The following ALS2CL variants were observed in gnomAD, a reference collection of about 807,000 sequenced individuals.
The protein encoded by ALS2CL is ALS2 C-terminal like.
ALS2CL carries 112 observed loss-of-function variants against 127.9 expected under a neutral mutation model. The ratio of observed to expected loss-of-function variants is 0.88; its 90% CI spans 0.75 to 1.02. The LOEUF (loss-of-function observed/expected upper bound fraction) is 1.02. Ranked by LOEUF, ALS2CL falls within the 50% of genes least tolerant of loss-of-function variation. ALS2CL has a pLI of 0.00. For synonymous variants in ALS2CL, 519 were observed against 527.6 expected (o/e 0.98, Z 0.22); for missense variants, 1,174 against 1,236.7 (o/e 0.95, Z 0.76).
chr3:46,683,938 A>G (rs564336330), intron 8 of ALS2CL, 51 bp downstream of exon 8: 1 of 1,613,162 alleles, frequency 6.2e-7, no homozygotes, highest in South Asian at 1.1e-5. Context: ...GGCAGGTGTC[A>G]TGGGGGTAAA....
chr3:46,677,264 T>C, intron 16 of ALS2CL: 1 of 1,357,256 alleles, frequency 7.4e-7, no homozygotes, highest in Non-Finnish European at 9.5e-7. Context: ...GCATATGGAA[T>C]CCTGGAAAGA....
rs374775715 is a variant in ALS2CL at position 46,692,197 on chromosome 3, C to G, written c.-26+1446G>C. 2.7e-4 allele frequency among the ~76,000 whole-genome samples: 41 copies of G among 152,272 alleles called. No homozygotes were observed. The East Asian group carries it at 4.8e-3, about 18-fold the overall frequency. On this transcript the variant is annotated intron_variant, in intron 1 of 25. Transcript: ENST00000318962. ...AGGTGACCCTGAGGGACCCAGCTCC[C>G]AGGCTAGGGAGTCTGGGGCTTCATC... is the stretch of plus-strand genomic sequence containing the variant.
intron 20 of ALS2CL, 135 bp downstream of exon 20, chr3:46,675,483 T>G (rs1698738683): frequency 1.2e-6 from 1 of 825,792 alleles, no homozygotes; most frequent in African/African-American, 1.7e-5. Context: ...AAACGATCAA[T>G]GCACAATGTT....
chr3:46,677,082 G>A, intron 16 of ALS2CL, 60 bp from the exon 17 acceptor site: 2 of 1,540,310 alleles, frequency 1.3e-6, no homozygotes, highest in Non-Finnish European at 1.7e-6. Flanking sequence ...AGGTAGGCAG[G>A]ACTCTGCCCA....
In ALS2CL at chr3:46,686,912, A is replaced by G. The variant is rs1699830792; in HGVS notation, c.534+71T>C. On this transcript the variant is annotated intron_variant, in intron 5 of 25. Transcript: ENST00000318962. This position sits in a 1 kb window ranked among gnomAD's most constrained non-coding sequence, Gnocchi z 4.3. ...TACTAGGGTTCCTGAGTATAGGCTG[A>G]GCCCCCTGAGTCTGGGCCCTATCCC... 4.2e-6 allele frequency: 6 copies of G among 1,436,858 alleles called. No individual in the cohort carries two copies. In the Admixed American group the frequency reaches 1.6e-4, roughly 37 times the overall value. 89.0% of individuals were successfully genotyped at this position (1,436,858 alleles called of 1,614,324 possible). A position where few individuals can be genotyped will look rare whatever the true frequency, so the allele number is the denominator to read the frequency against.
In ALS2CL at chr3:46,672,159, C is replaced by G. The variant is rs775618276; in HGVS notation, c.2515G>C (p.Glu839Gln). The G allele has an allele frequency of 3.3e-5, 54 of 1,613,988 alleles. 1 individual carries two copies. Among genetic ancestry groups the G allele is most frequent in the Non-Finnish European group, 4.4e-5 (52 of 1,180,028 alleles). ...ACTCACATGATCTTCTGCAGGCACT[C>G]GGTGGCTGACAGGAAACACTTGTCC... ...VRDKCFLSAT[E>Q]CLQKIMTTVD... The change falls in exon 23 of 26, where the codon GAG becomes CAG. Residue 839 changes from glutamate to glutamine, a missense_variant. Coordinates refer to ENST00000318962, the MANE Select transcript of ALS2CL (RefSeq NM_147129.5).
rs1698435903 is a variant in ALS2CL at position 46,672,020 on chromosome 3, G to A, written c.2548C>T (p.Pro850Ser). ...CLQKIMTTVD[P>S]REKLEVLERT... The stretch of plus-strand genomic sequence containing the variant: ...TCCAGCACCTCCAGCTTCTCCCGTG[G>A]GTCCACCGTGGTCCTGCAGCAGGGT... Residue 850 changes from proline (P) to serine (S), a missense_variant, in exon 24 of 26, where the codon CCA becomes TCA. Physicochemically the swap from Pro to Ser is moderately conservative, Grantham distance 74. Transcript: ENST00000318962. The A allele has an allele frequency of 6.2e-7, 1 of 1,613,984 alleles. No homozygotes were observed. The highest frequency in any genetic ancestry group is 8.5e-7 in the Non-Finnish European group (1 of 1,180,022).
chr3:46,679,109 G>A, intron 15 of ALS2CL, 101 bp downstream of exon 15: 2 of 1,252,582 alleles, frequency 1.6e-6, no homozygotes, highest in Non-Finnish European at 1.1e-6. Context: ...GGTGGGACAG[G>A]CCCTCCCCTA....
At chr3:46,689,621 C>T (rs917110431) in intron 1 of ALS2CL, among the ~76,000 whole-genome samples, 156 bp from the exon 2 acceptor site, 2 of 152,210 alleles carry the variant, frequency 1.3e-5, no homozygotes, top group African/African-American at 2.4e-5. Flanking sequence ...CCTGGACTGG[C>T]CACTGACCTC....
Position 46,669,258 on chromosome 3 carries a change from C to G in ALS2CL, c.*1726G>C, listed in dbSNP as rs1698221815. On this transcript the variant is annotated 3_prime_UTR_variant, in exon 26 of 26. Coordinates refer to ENST00000318962, the MANE Select transcript of ALS2CL (RefSeq NM_147129.5). ...CTATGTTGCCCAGGCTGGTCTTGAA[C>G]TCTCAGTTTCCAGCAGCCTTCCTGC... 2 of 152,244 alleles carry G rather than the reference C, an allele frequency of 1.3e-5. No homozygotes were observed. Among genetic ancestry groups the G allele is most frequent in the Non-Finnish European group, 2.9e-5 (2 of 68,110 alleles). The allele number at this position is 152,244 out of a possible 1,614,324, so 9.4% of individuals were successfully genotyped here. A position where few individuals can be genotyped will look rare whatever the true frequency, so the allele number is the denominator to read the frequency against.
chr3:46,676,476 C>T (rs1669976932), intron 18 of ALS2CL, 74 bp from the exon 19 acceptor site: 1 of 1,592,798 alleles, frequency 6.3e-7, no homozygotes, highest in Admixed American at 1.7e-5. Context: ...CACCAGCCTC[C>T]CAACACTTCT....
chr3:46,682,213 C>T (rs1233535200), intron 10 of ALS2CL, 119 bp from the exon 11 acceptor site: 2 of 1,069,188 alleles, frequency 1.9e-6, no homozygotes, highest in Admixed American at 4.0e-5. Context: ...CTGCACCCAC[C>T]CAGCCCTCTT....
intron 13 of ALS2CL, 143 bp from the exon 14 acceptor site, chr3:46,680,684 G>A (rs1271605041): frequency 2.9e-6 from 2 of 694,542 alleles, no homozygotes; most frequent in Non-Finnish European, 4.9e-6. Flanking sequence ...CAGTGCCAGA[G>A]AGGTCAGGAC....
Position 46,684,035 on chromosome 3 carries a change from G to A in ALS2CL, c.799C>T (p.His267Tyr). 1 of 1,559,174 alleles carries A rather than the reference G, an allele frequency of 6.4e-7. No individual in the cohort carries two copies. Among genetic ancestry groups the A allele is most frequent in the Non-Finnish European group, 8.7e-7 (1 of 1,150,874 alleles). ...ALVLLQGHNV[H>Y]TFDLKLVWVD... Reference sequence around the variant, plus strand: ...CACACCAGCTTCAGATCAAAGGTGTGGACATTGTGGCCCTGGAAGAGGATG... The same window carrying A: ...CACACCAGCTTCAGATCAAAGGTGTAGACATTGTGGCCCTGGAAGAGGATG... Residue 267 changes from histidine to tyrosine, a missense_variant, in exon 8 of 26, where the codon CAC (histidine) becomes TAC (tyrosine). Coordinates refer to ENST00000318962, the MANE Select transcript of ALS2CL (RefSeq NM_147129.5).
At chr3:46,680,149 CA>C in intron 14 of ALS2CL, 1 of 427,014 alleles carries the variant, frequency 2.3e-6, no homozygotes, top group Non-Finnish European at 4.3e-6. Context: ...AATGCATCAT[CA>C]TGAGCAAGTG....
chr3:46,675,722 C>G (rs1376530787), intron 19 of ALS2CL, 36 bp from the exon 20 acceptor site: 1 of 1,611,874 alleles, frequency 6.2e-7, no homozygotes, highest in Non-Finnish European at 8.5e-7. Flanking sequence ...TGTGGCTGCC[C>G]CTTGCCACAG....
At chr3:46,682,805 T>C (rs920579812) in intron 10 of ALS2CL, among the ~76,000 whole-genome samples, 1 of 152,196 alleles carries the variant, frequency 6.6e-6, no homozygotes, top group East Asian at 1.9e-4. Context: ...GTGCAAGCCA[T>C]TTCAACACTG....
At chr3:46,685,763 G>A in intron 6 of ALS2CL, 119 bp from the exon 7 acceptor site, 1 of 1,400,402 alleles carries the variant, frequency 7.1e-7, no homozygotes, top group African/African-American at 1.4e-5. Context: ...CAGTAGACCT[G>A]GAGCGGACCC....
In ALS2CL at chr3:46,676,903, TC is replaced by T. The variant is rs773468498; in HGVS notation, c.1876del (p.Asp626ThrfsTer53). 1.9e-6 allele frequency: 3 copies of T among 1,613,130 alleles called. No individual in the cohort carries two copies. Among genetic ancestry groups the T allele is most frequent in the Non-Finnish European group, 2.5e-6 (3 of 1,179,824 alleles). On this transcript the variant is annotated frameshift_variant, in exon 17 of 26. Transcript: ENST00000318962. LOFTEE classifies it high-confidence loss of function. ...ACGCAGCTCCCTGGAGCTCTGCACG[TC>T]GAAGCCCAGCAGGGCCTCCTGCAGG... is the stretch of plus-strand genomic sequence containing the variant. ...RDLQEALLGF[D>X]VQSSRELRRS...
Sources: allele counts gnomAD v4.1 joint callset (sites outside exome capture counted in the v4.1 genomes callset), GRCh38; gene constraint gnomAD v4.1.1; non-coding constraint Gnocchi (gnomAD v3.1); transcripts MANE v1.5; gene names NCBI Gene and HGNC (gene_info 2026-07-23, HGNC 2026-07-21).